Variants in ARB2A observed in about 807,000 individuals in gnomAD.
ARB2A encodes ARB2 cotranscriptional regulator A.
chr5:93,757,309 G>A, the ARB2A span, among the ~76,000 whole-genome samples: 3 of 152,110 alleles, frequency 2.0e-5, no homozygotes, highest in Non-Finnish European at 2.9e-5. Flanking sequence ...ATATTTGGGG[G>A]AATAATCCAG....
the ARB2A span, among the ~76,000 whole-genome samples, chr5:93,976,948 A>G: frequency 6.6e-6 from 1 of 152,120 alleles, no homozygotes; most frequent in East Asian, 1.9e-4. Context: ...TAGCATTTCT[A>G]TATACCAATA....
the ARB2A span, chr5:93,741,606 C>T: frequency 6.9e-7 from 1 of 1,456,788 alleles, no homozygotes. Flanking sequence ...GAACTGATGG[C>T]CCTCGAGGCT....
At chr5:93,758,711 C>T in the ARB2A span, among the ~76,000 whole-genome samples, 1 of 152,174 alleles carries the variant, frequency 6.6e-6, no homozygotes, top group South Asian at 2.1e-4. Flanking sequence ...AATAATGACA[C>T]AACTTAACCA....
At chr5:93,882,127 C>A in the ARB2A span, among the ~76,000 whole-genome samples, 2 of 151,250 alleles carry the variant, frequency 1.3e-5, no homozygotes, top group African/African-American at 4.8e-5. Flanking sequence ...TTTTTCTTTA[C>A]AATGGCCCTT....
At chr5:94,056,232 C>T in the ARB2A span, among the ~76,000 whole-genome samples, 3 of 152,124 alleles carry the variant, frequency 2.0e-5, no homozygotes, top group African/African-American at 7.2e-5. Context: ...GTTATGAATA[C>T]AAAAATGTGC....
At chr5:93,858,017 GATTT>G in the ARB2A span, among the ~76,000 whole-genome samples, 1 of 152,154 alleles carries the variant, frequency 6.6e-6, no homozygotes, top group African/African-American at 2.4e-5. Flanking sequence ...TAATGGCTAT[GATTT>G]ATTACTGCAA....
chr5:93,833,478 G>A, the ARB2A span, among the ~76,000 whole-genome samples: 2 of 152,106 alleles, frequency 1.3e-5, no homozygotes, highest in African/African-American at 2.4e-5. Context: ...TAGTTTATCT[G>A]TTGAATGAAA....
chr5:93,813,618 G>T, the ARB2A span, among the ~76,000 whole-genome samples: 2 of 152,126 alleles, frequency 1.3e-5, no homozygotes, highest in Non-Finnish European at 2.9e-5. Context: ...AAAACTGTCA[G>T]TTTGACCTAC....
At chr5:93,665,679 T>C in the ARB2A span, among the ~76,000 whole-genome samples, 1 of 152,214 alleles carries the variant, frequency 6.6e-6, no homozygotes, top group African/African-American at 2.4e-5. Context: ...TAGAGTTTAT[T>C]TAACACAGAC....
At chr5:93,750,390 A>G in the ARB2A span, among the ~76,000 whole-genome samples, 7 of 152,252 alleles carry the variant, frequency 4.6e-5, no homozygotes, top group African/African-American at 1.7e-4. Flanking sequence ...GCAAAAATCT[A>G]AACTACAGTG....
chr5:94,099,702 GC>G, the ARB2A span, among the ~76,000 whole-genome samples: 1 of 137,912 alleles, frequency 7.3e-6, no homozygotes. Context: ...AAAGACAAAA[GC>G]CATATGATAA....
chr5:93,785,619 T>C, the ARB2A span, among the ~76,000 whole-genome samples: 2 of 152,138 alleles, frequency 1.3e-5, no homozygotes, highest in African/African-American at 4.8e-5. Context: ...GCCCAGCATA[T>C]GTACATGCTG....
the ARB2A span, among the ~76,000 whole-genome samples, chr5:93,809,204 G>A: frequency 6.6e-6 from 1 of 151,890 alleles, no homozygotes; most frequent in Admixed American, 6.6e-5. Flanking sequence ...GCCATTAAAA[G>A]GATGTAGACA....
chr5:94,069,778 C>CA, the ARB2A span, among the ~76,000 whole-genome samples: 1,432 of 152,032 alleles, frequency 9.4e-3, 22 homozygotes, highest in African/African-American at 0.033. Flanking sequence ...ATTAAAAAGA[C>CA]AAAAAATAAC....
chr5:94,043,610 C>A, the ARB2A span, among the ~76,000 whole-genome samples: 1 of 152,180 alleles, frequency 6.6e-6, no homozygotes, highest in African/African-American at 2.4e-5. Context: ...CCCTAGCAGA[C>A]CTGGCCTCAT....
the ARB2A span, among the ~76,000 whole-genome samples, chr5:94,034,378 A>C: frequency 6.6e-6 from 1 of 152,130 alleles, no homozygotes; most frequent in African/African-American, 2.4e-5. Flanking sequence ...TGATTTTTCT[A>C]ATTCTATCAT....
At chr5:93,980,476 G>A in the ARB2A span, among the ~76,000 whole-genome samples, 1 of 152,092 alleles carries the variant, frequency 6.6e-6, no homozygotes, top group African/African-American at 2.4e-5. Context: ...TGTAGTTCCT[G>A]AATCTTTTAC....
At chr5:93,919,199 T>TAAGA in the ARB2A span, among the ~76,000 whole-genome samples, 97 of 152,304 alleles carry the variant, frequency 6.4e-4, no homozygotes, top group Admixed American at 1.0e-3. Context: ...ATTGTTGGGA[T>TAAGA]AAGAAAGGAG....
chr5:93,718,869 CCT>C, the ARB2A span, among the ~76,000 whole-genome samples: 2 of 152,000 alleles, frequency 1.3e-5, no homozygotes, highest in Non-Finnish European at 2.9e-5. Flanking sequence ...TTTGGTAGTA[CCT>C]CTTTCTATTT....
Sources: gnomAD v4.1 joint callset for allele counts (sites outside exome capture counted in the v4.1 genomes callset) on GRCh38, gnomAD v4.1.1 for gene constraint, MANE v1.5 for transcripts, NCBI Gene and HGNC (gene_info 2026-07-23, HGNC 2026-07-21) for gene names.